CLIP4: variants seen among roughly 807,000 people sequenced by gnomAD.
CLIP4 encodes the protein CAP-Gly domain containing linker protein family member 4.
Under a neutral mutation model 73.1 loss-of-function variants are expected in CLIP4, and 47 were observed. The ratio of observed to expected loss-of-function variants is 0.64; its 90% CI spans 0.51 to 0.82. The LOEUF (loss-of-function observed/expected upper bound fraction) is 0.82. Ranked by LOEUF, CLIP4 falls within the 40% of genes least tolerant of loss-of-function variation. The pLI, the probability that CLIP4 is intolerant of heterozygous loss-of-function variation, is 0.00. For missense variants in CLIP4, 874 were observed against 852.9 expected, an observed-to-expected ratio of 1.02 and a Z score of -0.31; for synonymous variants, 306 against 295.4, an observed-to-expected ratio of 1.04 and a Z score of -0.37.
At chr2:29,134,449 C>T (rs917684314) in intron 5 of CLIP4, among the ~76,000 whole-genome samples, 28 of 152,254 alleles carry the variant, frequency 1.8e-4, no homozygotes, top group African/African-American at 6.3e-4. Flanking sequence ...TAGGAACATG[C>T]TTCAGAGATT....
Position 29,126,316 on chromosome 2 carries a change from A to G in CLIP4, c.133+4795A>G, listed in dbSNP as rs1384390896. ...GTTAGATATGTTAATATATTATTGC[A>G]TTGTAGCTTAGAGGTTATGTTCTCA... On this transcript the variant is annotated intron_variant, in intron 2 of 15. Transcript: ENST00000320081. Among the ~76,000 whole-genome samples the G allele has an allele frequency of 2.0e-5, 3 of 152,240 alleles. No individual in the cohort carries two copies. In the East Asian group the frequency reaches 5.8e-4, roughly 29 times the overall value.
chr2:29,165,436 G>A (rs1165582105), intron 13 of CLIP4, among the ~76,000 whole-genome samples: 4 of 152,176 alleles, frequency 2.6e-5, no homozygotes, highest in Non-Finnish European at 5.9e-5. Context: ...TAAGTCACAA[G>A]GGGTGACATG....
intron 1 of CLIP4, among the ~76,000 whole-genome samples, chr2:29,101,910 T>A (rs1018164545): frequency 6.6e-6 from 1 of 152,198 alleles, no homozygotes; most frequent in Non-Finnish European, 1.5e-5. Context: ...GGGGGAGAGC[T>A]ACCAAATGGG....
At chr2:29,149,104 C>T (rs1666367256) in intron 8 of CLIP4, among the ~76,000 whole-genome samples, 1 of 152,156 alleles carries the variant, frequency 6.6e-6, no homozygotes, top group Non-Finnish European at 1.5e-5. Context: ...GTTGTACCTG[C>T]TACTCAGCTT....
At position 29,182,966 on chromosome 2, in the gene CLIP4, CAT is replaced by C. The variant is rs1219668660; in HGVS notation, c.*1075_*1076del. On this transcript the variant is annotated 3_prime_UTR_variant, in exon 16 of 16. Transcript: ENST00000320081. ...TCTGGATTTTTTTTGTTTTGTTACT[CAT>C]AGAACTGGTGTTGTTTGCTGTTTTT... 3.9e-5 allele frequency: 6 copies of C among 152,506 alleles called. No individual in the cohort carries two copies. Among genetic ancestry groups the C allele is most frequent in the African/African-American group, 1.4e-4 (6 of 41,434 alleles). 9.4% of individuals were successfully genotyped at this position (152,506 alleles called of 1,614,324 possible).
intron 6 of CLIP4, among the ~76,000 whole-genome samples, chr2:29,136,742 G>A (rs1185152107): frequency 6.6e-6 from 1 of 152,104 alleles, no homozygotes; most frequent in Non-Finnish European, 1.5e-5. Flanking sequence ...AGAGAGAGTA[G>A]CGTGCAAGAA....
chr2:29,100,295 T>G (rs1191991913), intron 1 of CLIP4, among the ~76,000 whole-genome samples: 1 of 152,158 alleles, frequency 6.6e-6, no homozygotes, highest in African/African-American at 2.4e-5. Flanking sequence ...TTCATTGATT[T>G]CTTCTGTCTC....
At position 29,182,254 on chromosome 2, in the gene CLIP4, T is replaced by G. The variant is rs76810279; in HGVS notation, c.*361T>G. ...TCTTAGTGCCCTAATTGTGAAGGGT[T>G]TCTCTAGCTTTGGTTATGTGTAATG... On this transcript the variant is annotated 3_prime_UTR_variant, in exon 16 of 16. Transcript: ENST00000320081. 1,431 of 165,034 alleles carry G rather than the reference T, an allele frequency of 8.7e-3. 16 individuals are homozygous for G. The highest frequency in any genetic ancestry group is 0.033 in the African/African-American group (1,382 of 41,914). The allele number at this position is 165,034 out of a possible 1,614,324, so 10.2% of individuals were successfully genotyped here.
At chr2:29,144,992 A>C (rs550178582) in intron 7 of CLIP4, among the ~76,000 whole-genome samples, 1 of 151,658 alleles carries the variant, frequency 6.6e-6, no homozygotes, top group East Asian at 1.9e-4. Flanking sequence ...TCTTCTTGGA[A>C]ATTGACTCCC....
At chr2:29,171,083 C>T (rs1667971789) in intron 14 of CLIP4, among the ~76,000 whole-genome samples, 1 of 152,094 alleles carries the variant, frequency 6.6e-6, no homozygotes, top group African/African-American at 2.4e-5. Flanking sequence ...TTATTCTAGG[C>T]CTTTCACCTG....
chr2:29,127,588 A>G (rs1292679764), intron 2 of CLIP4, among the ~76,000 whole-genome samples: 5 of 152,138 alleles, frequency 3.3e-5, no homozygotes, highest in Non-Finnish European at 7.4e-5. Context: ...TCATCAGTTC[A>G]TTCAGTCCCC....
At chr2:29,111,120 G>A (rs1668377064), upstream of CLIP4, among the ~76,000 whole-genome samples, 1 of 152,222 alleles carries the variant, frequency 6.6e-6, no homozygotes, top group Non-Finnish European at 1.5e-5. Context: ...TGACTGCTGA[G>A]TCATAAAGCA....
At chr2:29,175,764 T>A (rs539008642) in intron 15 of CLIP4, among the ~76,000 whole-genome samples, 25 of 152,310 alleles carry the variant, frequency 1.6e-4, no homozygotes, top group African/African-American at 5.3e-4. Context: ...TTTCTTTTTT[T>A]AATTTTTTTA....
rs149249283 is a variant in CLIP4 at position 29,168,376 on chromosome 2, T to A, written c.1723+836T>A. ...GTGTATTTTGGGAACATTTTGTCAATTTCATGTGTGGCAAATATCTTGCCG... is the reference window on the plus strand; with the variant it reads ...GTGTATTTTGGGAACATTTTGTCAAATTCATGTGTGGCAAATATCTTGCCG... On this transcript the variant is annotated intron_variant, in intron 14 of 15. Transcript: ENST00000320081. 4.8e-3 allele frequency among the ~76,000 whole-genome samples: 735 copies of A among 152,194 alleles called. 10 individuals carry two copies. The highest frequency in any genetic ancestry group is 0.017 in the African/African-American group (702 of 41,552).
At chr2:29,107,990 GTTTC>G (rs987757659) in intron 1 of CLIP4, among the ~76,000 whole-genome samples, 1 of 147,130 alleles carries the variant, frequency 6.8e-6, no homozygotes, top group Non-Finnish European at 1.5e-5. Context: ...CCCTCTTGGA[GTTTC>G]TTTTTTTTTT....
At chr2:29,139,831 T>G (rs1311209903) in intron 6 of CLIP4, among the ~76,000 whole-genome samples, 1 of 152,134 alleles carries the variant, frequency 6.6e-6, no homozygotes, top group Non-Finnish European at 1.5e-5. Flanking sequence ...GTGGGATTGT[T>G]GTAATGTCAT....
intron 13 of CLIP4, among the ~76,000 whole-genome samples, chr2:29,166,927 C>T (rs779709638): frequency 1.2e-4 from 19 of 152,052 alleles, no homozygotes; most frequent in Non-Finnish European, 1.5e-5. Flanking sequence ...TCAGGATTGA[C>T]TTTTTAAAGA....
chr2:29,143,855 G>A lies in CLIP4; in HGVS notation c.795G>A (p.Met265Ile). ...TGTCATGTAACATCTCAAAGGCCAT[G>A]CTCCCAAATTATGATCATGTCACTG... ...VPLSCNISKAMLPNYDHVTGK... is the reference protein window; with the variant it reads ...VPLSCNISKAILPNYDHVTGK... Residue 265 changes from methionine (M) to isoleucine (I), a missense_variant, in exon 7 of 16, where the codon ATG becomes ATA. Physicochemically the swap from Met to Ile is conservative, Grantham distance 10. Coordinates refer to ENST00000320081, the MANE Select transcript of CLIP4 (RefSeq NM_024692.6). 1.9e-6 allele frequency: 3 copies of A among 1,614,170 alleles called. No individual in the cohort carries two copies. The highest frequency in any genetic ancestry group is 2.5e-6 in the Non-Finnish European group (3 of 1,180,014).
intron 15 of CLIP4, among the ~76,000 whole-genome samples, chr2:29,178,064 A>T (rs1668445566): frequency 6.6e-6 from 1 of 152,248 alleles, no homozygotes; most frequent in Admixed American, 6.5e-5. Flanking sequence ...CAATATTTGA[A>T]AAATGAAGAA....
Sources: allele counts gnomAD v4.1 joint callset (sites outside exome capture counted in the v4.1 genomes callset), GRCh38; gene constraint gnomAD v4.1.1; transcripts MANE v1.5; gene names NCBI Gene and HGNC (gene_info 2026-07-23, HGNC 2026-07-21).